The following LITAF variants were observed in gnomAD, a reference collection of about 807,000 sequenced individuals.
LITAF encodes the protein lipopolysaccharide induced TNF factor.
A neutral mutation model predicts 14.5 loss-of-function variants in LITAF; 9 were observed. That is an observed-to-expected ratio of 0.62 (90% CI 0.37 to 1.08). LITAF has a LOEUF of 1.08. Ranked by LOEUF, LITAF falls within the 50% of genes least tolerant of loss-of-function variation. LITAF has a pLI of 0.01. For synonymous variants in LITAF, 98 were observed against 88.2 expected (o/e 1.11, Z -0.62); for missense variants, 206 against 213.4 (o/e 0.97, Z 0.22).
intron 1 of LITAF, among the ~76,000 whole-genome samples, chr16:11,561,874 TCA>T (rs1160248995): frequency 7.6e-6 from 1 of 130,840 alleles, no homozygotes; most frequent in African/African-American, 3.0e-5. Flanking sequence ...CACCCTAAAC[TCA>T]CACACACACT....
chr16:11,607,393 C>G (rs1001662948), intron 3 of LITAF, among the ~76,000 whole-genome samples: 4 of 152,222 alleles, frequency 2.6e-5, no homozygotes, highest in African/African-American at 9.6e-5. Context: ...GAAGGCTGGA[C>G]TTCCCTTAAG....
chr16:11,631,394 G>A (rs1278539840), intron 3 of LITAF, among the ~76,000 whole-genome samples: 1 of 152,046 alleles, frequency 6.6e-6, no homozygotes, highest in Non-Finnish European at 1.5e-5. Context: ...CTCTGCACAT[G>A]GCTTTTTGTT....
intron 1 of LITAF, among the ~76,000 whole-genome samples, chr16:11,592,556 C>T (rs998291990): frequency 4.3e-5 from 6 of 139,818 alleles, no homozygotes; most frequent in African/African-American, 1.4e-4. Flanking sequence ...ACCTGGATGA[C>T]AGAGCAAGAC....
chr16:11,556,432 G>A, intron 2 of LITAF, 79 bp downstream of exon 2: 1 of 1,282,358 alleles, frequency 7.8e-7, no homozygotes, highest in South Asian at 1.4e-5. Context: ...CTCTTTGGCA[G>A]AGTCACTTCG....
chr16:11,560,569 C>A (rs996406352), intron 1 of LITAF, among the ~76,000 whole-genome samples: 1 of 135,040 alleles, frequency 7.4e-6, no homozygotes, highest in Non-Finnish European at 1.6e-5. Context: ...GGCCACAGAG[C>A]GAGATTCCAT....
upstream of LITAF, among the ~76,000 whole-genome samples, chr16:11,637,493 C>T (rs2065142508): frequency 6.6e-6 from 1 of 152,254 alleles, no homozygotes; most frequent in Admixed American, 6.5e-5. Context: ...GACCTGGGCT[C>T]ACCTATGGCC....
intron 1 of LITAF, among the ~76,000 whole-genome samples, chr16:11,572,978 G>A (rs1182955894): frequency 6.7e-6 from 1 of 148,336 alleles, no homozygotes; most frequent in Non-Finnish European, 1.5e-5. Flanking sequence ...AACCAAGCTG[G>A]CATGCAGTGG....
chr16:11,551,064 A>G (rs1345460266), intron 3 of LITAF, among the ~76,000 whole-genome samples: 1 of 152,172 alleles, frequency 6.6e-6, no homozygotes, highest in Non-Finnish European at 1.5e-5. Context: ...CCTTTGGCAC[A>G]CACAGGCAGG....
chr16:11,573,729 T>A (rs2141801666), intron 1 of LITAF, among the ~76,000 whole-genome samples: 1 of 138,936 alleles, frequency 7.2e-6, no homozygotes, highest in South Asian at 2.3e-4. Flanking sequence ...TTTTTAGGAG[T>A]CTTGCTCTGT....
At chr16:11,585,898 C>T (rs1186968156) in intron 1 of LITAF, among the ~76,000 whole-genome samples, 1 of 152,174 alleles carries the variant, frequency 6.6e-6, no homozygotes, top group Non-Finnish European at 1.5e-5. Flanking sequence ...GCTCCACTGT[C>T]GGGAAGTAGA....
At chr16:11,560,379 G>A (rs2064342604) in intron 1 of LITAF, among the ~76,000 whole-genome samples, 1 of 151,534 alleles carries the variant, frequency 6.6e-6, no homozygotes, top group Non-Finnish European at 1.5e-5. Context: ...GGGAGGCTGA[G>A]ATGGGTGGAT....
At chr16:11,636,976 T>A (rs1256244271), upstream of LITAF, among the ~76,000 whole-genome samples, 1 of 151,978 alleles carries the variant, frequency 6.6e-6, no homozygotes, top group Non-Finnish European at 1.5e-5. Context: ...TTCCAGTGAT[T>A]CTCCTGCCTC....
upstream of LITAF, among the ~76,000 whole-genome samples, chr16:11,600,023 T>A (rs1455326127): frequency 6.6e-6 from 1 of 152,114 alleles, no homozygotes; most frequent in Non-Finnish European, 1.5e-5. This position sits in a 1 kb window ranked among gnomAD's most constrained non-coding sequence, Gnocchi z 4.1. Context: ...TAGAGACAGG[T>A]CTCACTCTGT....
At chr16:11,587,189 T>G (rs1358627649), upstream of LITAF, 2 of 295,140 alleles carry the variant, frequency 6.8e-6, no homozygotes, top group Non-Finnish European at 1.3e-5. Context: ...TCTCCCCCAC[T>G]CTCCTATCCT....
chr16:11,627,489 C>T (rs2065090864), intron 3 of LITAF, among the ~76,000 whole-genome samples: 1 of 152,230 alleles, frequency 6.6e-6, no homozygotes, highest in African/African-American at 2.4e-5. Flanking sequence ...TAAACCAGTT[C>T]CAGTGGGATT....
At chr16:11,610,294 C>T (rs1469360340) in intron 3 of LITAF, among the ~76,000 whole-genome samples, 29 of 152,220 alleles carry the variant, frequency 1.9e-4, no homozygotes, top group Admixed American at 1.7e-3. Context: ...GACCTGCCCC[C>T]GCAGGCTCCA....
At chr16:11,585,622 G>A (rs1348232075) in intron 1 of LITAF, among the ~76,000 whole-genome samples, 1 of 152,170 alleles carries the variant, frequency 6.6e-6, no homozygotes, top group Non-Finnish European at 1.5e-5. Flanking sequence ...TCCTAAATAG[G>A]AAGTCCTAAA....
chr16:11,582,359 G>T (rs756444404), intron 1 of LITAF, among the ~76,000 whole-genome samples: 8 of 146,644 alleles, frequency 5.5e-5, no homozygotes, highest in African/African-American at 2.0e-4. Flanking sequence ...CAAAGCTTTA[G>T]CCACATGTGG....
chr16:11,637,932 CTATATCTA>C (rs2065145493), upstream of LITAF, among the ~76,000 whole-genome samples: 2 of 41,066 alleles, frequency 4.9e-5, no homozygotes, highest in Non-Finnish European at 9.7e-5. Flanking sequence ...ATATCTATAT[CTATATCTA>C]TATATCTATA....
Sources: allele counts gnomAD v4.1 joint callset (sites outside exome capture counted in the v4.1 genomes callset), GRCh38; gene constraint gnomAD v4.1.1; non-coding constraint Gnocchi (gnomAD v3.1); transcripts MANE v1.5; gene names NCBI Gene and HGNC (gene_info 2026-07-23, HGNC 2026-07-21).